PFKFB3: variants seen among roughly 807,000 people sequenced by gnomAD.
The protein encoded by PFKFB3 is 6-phosphofructo-2-kinase/fructose-2,6-biphosphatase 3.
PFKFB3 carries 33 observed loss-of-function variants against 68.0 expected under a neutral mutation model. The ratio of observed to expected loss-of-function variants is 0.49; its 90% CI spans 0.37 to 0.65. The LOEUF (loss-of-function observed/expected upper bound fraction) is 0.65. Among genes scored for constraint, PFKFB3 ranks in the 30% least tolerant of loss-of-function variants. The pLI, the probability that PFKFB3 is intolerant of heterozygous loss-of-function variation, is 0.00. For synonymous variants in PFKFB3, 315 were observed against 288.2 expected, an observed-to-expected ratio of 1.09 and a Z score of -0.94; for missense variants, 586 against 712.2, an observed-to-expected ratio of 0.82 and a Z score of 2.02.
In PFKFB3 at chr10:6,231,615, G is replaced by T. The variant is rs1178307951; in HGVS notation, c.1516-1280G>T. 6.1e-6 allele frequency: 6 copies of T among 982,914 alleles called. No individual in the cohort carries two copies. In the African/African-American group the frequency reaches 1.0e-4, roughly 17 times the overall value. The allele number at this position is 982,914 out of a possible 1,614,324, so 60.9% of individuals were successfully genotyped here. On this transcript the variant is annotated intron_variant, in intron 14 of 14. Transcript: ENST00000379775. Reference sequence around the variant, plus strand: ...GGCTGGTGGTGTTGAGGACAGGTTGGAGCCAGCAGATGCGGAGGGAAATGT... The same window carrying T: ...GGCTGGTGGTGTTGAGGACAGGTTGTAGCCAGCAGATGCGGAGGGAAATGT...
the PFKFB3 span, among the ~76,000 whole-genome samples, chr10:6,301,888 A>G: frequency 1.3e-5 from 2 of 152,188 alleles, no homozygotes; most frequent in African/African-American, 4.8e-5. Flanking sequence ...ATGCTTTATT[A>G]TCTGCTCTGA....
In PFKFB3 at chr10:6,210,607, G is replaced by A. The variant is rs191785661; in HGVS notation, c.77-3016G>A. Among the ~76,000 whole-genome samples the A allele has an allele frequency of 1.5e-3, 32 of 20,984 alleles. 4 individuals carry two copies. The highest frequency in any genetic ancestry group is 5.7e-3 in the East Asian group (10 of 1,752). 13.8% of individuals were successfully genotyped at this position (20,984 alleles called of 152,430 possible). ...TAGTGTTTTTAATAGACGGGGTTTC[G>A]CCATGTTAGCCAGGATAGTCTTGAT... On this transcript the variant is annotated intron_variant, in intron 1 of 14. Transcript: ENST00000379775.
chr10:6,253,110 G>A (rs1261857064), intron 14 of PFKFB3, among the ~76,000 whole-genome samples: 1 of 152,128 alleles, frequency 6.6e-6, no homozygotes, highest in Non-Finnish European at 1.5e-5. Context: ...AGTAGAGACG[G>A]GGTTTCACCA....
At chr10:6,302,362 GTTTTTTTTTTTTTTTTTTTT>G in the PFKFB3 span, among the ~76,000 whole-genome samples, 1 of 78,494 alleles carries the variant, frequency 1.3e-5, no homozygotes, top group African/African-American at 6.5e-5. Context: ...TGCCTGGCCA[GTTTTTTTTTTTTTTTTTTTT>G]TTTTTTTTTT....
intron 1 of PFKFB3, among the ~76,000 whole-genome samples, chr10:6,174,734 G>T (rs1428059126): frequency 6.6e-6 from 1 of 152,216 alleles, no homozygotes; most frequent in African/African-American, 2.4e-5. Flanking sequence ...GCCCTCCCAC[G>T]GCTCTGCTGG....
At chr10:6,206,784 T>G (rs1372694859) in intron 1 of PFKFB3, among the ~76,000 whole-genome samples, 1 of 109,736 alleles carries the variant, frequency 9.1e-6, no homozygotes, top group Admixed American at 9.6e-5. Flanking sequence ...GCAGAGGGGG[T>G]CCTCACATCC....
chr10:6,323,476 TC>T, the PFKFB3 span, among the ~76,000 whole-genome samples: 1 of 152,226 alleles, frequency 6.6e-6, no homozygotes, highest in Non-Finnish European at 1.5e-5. Context: ...TCATATCCTG[TC>T]CAGCCTCATG....
chr10:6,323,033 A>T, the PFKFB3 span, among the ~76,000 whole-genome samples: 1 of 152,250 alleles, frequency 6.6e-6, no homozygotes. Context: ...CTGTTGAGTG[A>T]AACAGATGAG....
downstream of PFKFB3, among the ~76,000 whole-genome samples, chr10:6,256,222 C>G (rs111442201): frequency 1.6e-4 from 25 of 152,296 alleles, no homozygotes; most frequent in African/African-American, 5.1e-4. Flanking sequence ...AGGTTTAAAT[C>G]TCCTTTCTTG....
upstream of PFKFB3, among the ~76,000 whole-genome samples, chr10:6,201,828 C>G (rs1242097544): frequency 6.6e-6 from 1 of 152,202 alleles, no homozygotes; most frequent in Non-Finnish European, 1.5e-5. This position sits in a 1 kb window ranked among gnomAD's most constrained non-coding sequence, Gnocchi z 4.1. Context: ...GCGCGGGCGG[C>G]GGTTCCCCAC....
intron 1 of PFKFB3, among the ~76,000 whole-genome samples, chr10:6,177,483 T>TCTTTCTTTCTTTCTTC (rs1842557232): frequency 6.9e-6 from 1 of 145,354 alleles, no homozygotes; most frequent in Non-Finnish European, 1.5e-5. Flanking sequence ...TTTCTTTCTT[T>TCTTTCTTTCTTTCTTC]CTTTTTCTTT....
At chr10:6,201,987 G>A (rs1843376887), upstream of PFKFB3, among the ~76,000 whole-genome samples, 1 of 152,208 alleles carries the variant, frequency 6.6e-6, no homozygotes, top group Non-Finnish European at 1.5e-5. The surrounding 1 kb of genome is among the most constrained non-coding windows in gnomAD (Gnocchi z 4.1). Context: ...GGGTGTGCAG[G>A]ATAACGGAGT....
rs1845870052 is a variant in PFKFB3 at position 6,233,536 on chromosome 10, C to CA, written c.*595dup. The stretch of plus-strand genomic sequence containing the variant: ...AGACGCAAGTTGGCTGGGTGGTCCG[C>CA]ACCCTGGCTCTCCTGCAGGTCCACA... On this transcript the variant is annotated 3_prime_UTR_variant, in exon 15 of 15. Coordinates refer to ENST00000379775, the MANE Select transcript of PFKFB3 (RefSeq NM_004566.4). 2.0e-5 allele frequency: 3 copies of CA among 152,528 alleles called. No homozygotes were observed. Among genetic ancestry groups the CA allele is most frequent in the Admixed American group, 6.5e-5 (1 of 15,300 alleles). 9.4% of individuals were successfully genotyped at this position (152,528 alleles called of 1,614,324 possible).
the PFKFB3 span, among the ~76,000 whole-genome samples, chr10:6,281,182 T>TATATATATATATATAC: frequency 8.2e-5 from 11 of 133,684 alleles, no homozygotes; most frequent in African/African-American, 2.6e-4. Flanking sequence ...TATATATATA[T>TATATATATATATATAC]ACACCACAGT....
intron 6 of PFKFB3, among the ~76,000 whole-genome samples, chr10:6,218,633 G>A (rs921114412): frequency 3.9e-5 from 6 of 152,024 alleles, no homozygotes; most frequent in African/African-American, 1.5e-4. Flanking sequence ...GGGTTTCACT[G>A]TGTTGGCCAG....
At chr10:6,202,793 G>A (rs866543355), upstream of PFKFB3, 7 of 797,716 alleles carry the variant, frequency 8.8e-6, no homozygotes, top group African/African-American at 1.1e-4. Context: ...GGAGCTCGCA[G>A]GCTGCTTCCC....
chr10:6,167,307 G>A (rs1842173556), intron 1 of PFKFB3, among the ~76,000 whole-genome samples: 2 of 152,326 alleles, frequency 1.3e-5, no homozygotes, highest in South Asian at 4.1e-4. Flanking sequence ...GAAAACGCCT[G>A]TGCGGGTCTC....
At chr10:6,156,581 C>A (rs1264200171) in intron 1 of PFKFB3, among the ~76,000 whole-genome samples, 1 of 152,018 alleles carries the variant, frequency 6.6e-6, no homozygotes, top group East Asian at 2.0e-4. Context: ...AATCTCGGCT[C>A]ACTGCAACCT....
At chr10:6,307,528 TC>T in the PFKFB3 span, among the ~76,000 whole-genome samples, 1,035 of 145,724 alleles carry the variant, frequency 7.1e-3, 16 homozygotes, top group African/African-American at 0.024. Context: ...CTTCCTTCCT[TC>T]CTTCCTTCCT....
Sources: allele counts gnomAD v4.1 joint callset (sites outside exome capture counted in the v4.1 genomes callset), GRCh38; gene constraint gnomAD v4.1.1; non-coding constraint Gnocchi (gnomAD v3.1); transcripts MANE v1.5; gene names NCBI Gene and HGNC (gene_info 2026-07-23, HGNC 2026-07-21).